ZNF57: variants seen among roughly 807,000 people sequenced by gnomAD.
The protein encoded by ZNF57 is zinc finger protein 57, also known as zinc finger protein 424.
Under a neutral mutation model 13.4 loss-of-function variants are expected in ZNF57, and 11 were observed. That is an observed-to-expected ratio of 0.82 (90% confidence interval 0.52 to 1.36). The LOEUF (loss-of-function observed/expected upper bound fraction) is 1.36. ZNF57 is among the 40% of genes most tolerant of loss of function. The pLI is 0.00. For missense variants in ZNF57, 696 were observed against 667.5 expected (o/e 1.04, Z -0.47); for synonymous variants, 224 against 238.5 (o/e 0.94, Z 0.56).
chr19:2,911,064 G>T (rs1197602381), intron 1 of ZNF57, among the ~76,000 whole-genome samples: 1 of 121,924 alleles, frequency 8.2e-6, no homozygotes, highest in Non-Finnish European at 1.9e-5. Flanking sequence ...TAGCCCTAGA[G>T]ATATTTATTT....
At chr19:2,906,228 A>AT (rs2088074318) in intron 1 of ZNF57, among the ~76,000 whole-genome samples, 1 of 152,106 alleles carries the variant, frequency 6.6e-6, no homozygotes, top group African/African-American at 2.4e-5. Flanking sequence ...AATTAAAAAA[A>AT]ATTTTTATAG....
intron 1 of ZNF57, among the ~76,000 whole-genome samples, chr19:2,911,262 G>A (rs971762605): frequency 2.0e-5 from 3 of 151,986 alleles, no homozygotes; most frequent in African/African-American, 7.2e-5. Flanking sequence ...CGGGCACGGT[G>A]GCTCATGCCT....
At chr19:2,913,156 A>G (rs940744898) in intron 1 of ZNF57, among the ~76,000 whole-genome samples, 3 of 152,078 alleles carry the variant, frequency 2.0e-5, no homozygotes, top group African/African-American at 7.2e-5. Flanking sequence ...GTTTCACCAT[A>G]TTGGCTCAGC....
chr19:2,915,873 G>C (rs757475371), intron 2 of ZNF57: 27 of 913,114 alleles, frequency 3.0e-5, no homozygotes, highest in Non-Finnish European at 3.7e-5. Flanking sequence ...GTCATTAGTA[G>C]GGGTATAGAT....
At chr19:2,905,399 A>G (rs1356108127) in intron 1 of ZNF57, among the ~76,000 whole-genome samples, 1 of 39,776 alleles carries the variant, frequency 2.5e-5, no homozygotes, top group Non-Finnish European at 5.3e-5. Context: ...TCTTGACTTC[A>G]GGTGATCGCC....
chr19:2,904,286 C>T (rs2088055013), intron 1 of ZNF57, among the ~76,000 whole-genome samples: 1 of 152,184 alleles, frequency 6.6e-6, no homozygotes, highest in Non-Finnish European at 1.5e-5. Context: ...GCAGTTAGTT[C>T]AATCATTCCA....
chr19:2,918,397 C>A lies in ZNF57; in HGVS notation c.*108C>A. Reference sequence around the variant, plus strand: ...CTTACAAGTATGATATTGTCTTTGTCAATACCTCATTTGTAAAACAGACCC... The same window carrying A: ...CTTACAAGTATGATATTGTCTTTGTAAATACCTCATTTGTAAAACAGACCC... On this transcript the variant is annotated 3_prime_UTR_variant, in exon 4 of 4. Transcript: ENST00000306908. 1 of 1,230,262 alleles carries A rather than the reference C, an allele frequency of 8.1e-7. No individual in the cohort carries two copies. The highest frequency in any genetic ancestry group is 1.1e-6 in the Non-Finnish European group (1 of 896,228). The allele number at this position is 1,230,262 out of a possible 1,614,324, so 76.2% of individuals were successfully genotyped here.
At chr19:2,909,281 G>GTTTC (rs1555677925) in intron 1 of ZNF57, among the ~76,000 whole-genome samples, 1 of 107,166 alleles carries the variant, frequency 9.3e-6, no homozygotes, top group Non-Finnish European at 1.8e-5. Context: ...ATTTATTTTT[G>GTTTC]TTTTTTTTTT....
Position 2,918,312 on chromosome 19 carries a change from G to A in ZNF57, c.*23G>A. ...TAAAGAGAAATTCTATAACTTTAAT[G>A]GGGTAACCTCACATTAATTCATGTA... is the stretch of plus-strand genomic sequence containing the variant. On this transcript the variant is annotated 3_prime_UTR_variant, in exon 4 of 4. Coordinates refer to ENST00000306908, the MANE Select transcript of ZNF57 (RefSeq NM_173480.3). The A allele has an allele frequency of 6.4e-7, 1 of 1,557,162 alleles. No individual in the cohort carries two copies. The highest frequency in any genetic ancestry group is 8.7e-7 in the Non-Finnish European group (1 of 1,153,386).
At chr19:2,909,107 T>C (rs2088106052) in intron 1 of ZNF57, among the ~76,000 whole-genome samples, 1 of 152,086 alleles carries the variant, frequency 6.6e-6, no homozygotes, top group South Asian at 2.1e-4. Context: ...TGATCAACTT[T>C]GAGTTGTTTC....
chr19:2,902,890 A>G (rs2088041027), intron 1 of ZNF57, among the ~76,000 whole-genome samples: 1 of 152,068 alleles, frequency 6.6e-6, no homozygotes, highest in Admixed American at 6.6e-5. Flanking sequence ...TTCTCACTCT[A>G]CGGGATGAGG....
At chr19:2,914,878 A>C (rs2088174692) in intron 1 of ZNF57, among the ~76,000 whole-genome samples, 1 of 151,132 alleles carries the variant, frequency 6.6e-6, no homozygotes, top group Admixed American at 6.6e-5. Flanking sequence ...GCTCCCTCCC[A>C]CCCTCCTCCT....
chr19:2,909,390 C>G (rs1169881181), intron 1 of ZNF57, among the ~76,000 whole-genome samples: 3 of 64,742 alleles, frequency 4.6e-5, no homozygotes, highest in Non-Finnish European at 1.2e-4. Context: ...ACGCCATTCT[C>G]CTGCCTCAGC....
At chr19:2,901,798 T>C (rs2088032605) in intron 1 of ZNF57, among the ~76,000 whole-genome samples, 1 of 152,156 alleles carries the variant, frequency 6.6e-6, no homozygotes, top group Non-Finnish European at 1.5e-5. Context: ...ATTACAGGCG[T>C]GAGCCACCGC....
intron 1 of ZNF57, among the ~76,000 whole-genome samples, chr19:2,905,942 T>C (rs1322326744): frequency 6.6e-6 from 1 of 152,232 alleles, no homozygotes; most frequent in Non-Finnish European, 1.5e-5. Flanking sequence ...CAGATCGGTC[T>C]GAGAGATCTG....
chr19:2,906,221 TAAA>T (rs1035468590), intron 1 of ZNF57, among the ~76,000 whole-genome samples: 4 of 152,124 alleles, frequency 2.6e-5, no homozygotes, highest in Non-Finnish European at 5.9e-5. Context: ...CCCAGCTAAT[TAAA>T]AAAAATTTTT....
At position 2,916,956 on chromosome 19, in the gene ZNF57, A is replaced by G. The variant is rs1471306859; in HGVS notation, c.335A>G (p.Asn112Ser). 6.2e-7 allele frequency: 1 copy of G among 1,608,786 alleles called. No individual in the cohort carries two copies. Among genetic ancestry groups the G allele is most frequent in the Admixed American group, 1.7e-5 (1 of 58,848 alleles). The change falls in exon 4 of 4, where the codon AAT (asparagine) becomes AGT (serine). Residue 112 changes from asparagine (N) to serine (S), a missense_variant. Physicochemically the swap from Asn to Ser is conservative, Grantham distance 46 (BLOSUM62 1). Transcript: ENST00000306908. ...ATGGTGGACAGATTCTGTACACATA[A>G]TGAAGGTAATCAATATGGAGAAGCC... ...NHMVDRFCTH[N>S]EGNQYGEAIH... is the part of the protein sequence containing the mutation.
At chr19:2,915,980 T>C (rs2088189019) in intron 2 of ZNF57, 98 bp from the exon 3 acceptor site, 13 of 1,340,370 alleles carry the variant, frequency 9.7e-6, no homozygotes, top group Non-Finnish European at 1.3e-5. Context: ...CTTATGTCTG[T>C]TATTGATGAG....
At position 2,918,197 on chromosome 19, in the gene ZNF57, C is replaced by T. The variant is rs1376328940; in HGVS notation, c.1576C>T (p.His526Tyr). 1 of 1,614,264 alleles carries T rather than the reference C, an allele frequency of 6.2e-7. No homozygotes were observed. The highest frequency in any genetic ancestry group is 1.7e-5 in the Admixed American group (1 of 60,034). ...HSSFRNHLRM[H>Y]TGQKSHECQS... ...CTCCTTCCGGAACCATCTGAGGATG[C>T]ACACAGGACAGAAATCCCACGAATG... The change falls in exon 4 of 4, where the codon CAC becomes TAC. Residue 526 changes from histidine to tyrosine, a missense_variant. By Grantham distance (83) the His-to-Tyr change is moderately conservative (BLOSUM62 2). Transcript: ENST00000306908.
Sources: allele counts gnomAD v4.1 joint callset (sites outside exome capture counted in the v4.1 genomes callset), GRCh38; gene constraint gnomAD v4.1.1; transcripts MANE v1.5; gene names NCBI Gene and HGNC (gene_info 2026-07-23, HGNC 2026-07-21).